QTMAN: variants seen among roughly 807,000 people sequenced by gnomAD.
QTMAN encodes queuosine-tRNA mannosyltransferase, also known as tRNA-queuosine alpha-mannosyltransferase.
chr2:144,109,771 C>T, the QTMAN span, among the ~76,000 whole-genome samples: 3 of 152,064 alleles, frequency 2.0e-5, no homozygotes, highest in Non-Finnish European at 4.4e-5. Flanking sequence ...ATTTATGCAG[C>T]CAAAAGACAC....
the QTMAN span, chr2:144,145,444 A>G: frequency 1.7e-6 from 1 of 573,138 alleles, no homozygotes; most frequent in Non-Finnish European, 3.1e-6. Flanking sequence ...AATTGTTTAA[A>G]TATTTGCACC....
chr2:144,016,197 T>C, the QTMAN span, among the ~76,000 whole-genome samples: 2,367 of 152,328 alleles, frequency 0.016, 36 homozygotes, highest in Middle Eastern at 0.048. Context: ...TGACATTTCA[T>C]ACATACTGAT....
the QTMAN span, among the ~76,000 whole-genome samples, chr2:144,169,342 G>T: frequency 6.6e-6 from 1 of 152,118 alleles, no homozygotes; most frequent in South Asian, 2.1e-4. Flanking sequence ...TACAAAAACT[G>T]ACAGCATAAT....
the QTMAN span, among the ~76,000 whole-genome samples, chr2:144,193,417 TTA>T: frequency 7.8e-4 from 116 of 148,464 alleles, 1 homozygote; most frequent in African/African-American, 1.4e-3. Context: ...ACATTATATA[TTA>T]TGTTATATAT....
the QTMAN span, among the ~76,000 whole-genome samples, chr2:144,321,864 G>A: frequency 6.6e-6 from 1 of 151,996 alleles, no homozygotes; most frequent in Non-Finnish European, 1.5e-5. Flanking sequence ...TGCCTCTTCT[G>A]TAAAGTGAGA....
At chr2:144,271,983 G>A in the QTMAN span, among the ~76,000 whole-genome samples, 4 of 152,060 alleles carry the variant, frequency 2.6e-5, no homozygotes, top group Non-Finnish European at 5.9e-5. Flanking sequence ...TTGCTGACAT[G>A]TGTATCACTT....
chr2:144,282,946 G>A, the QTMAN span, among the ~76,000 whole-genome samples: 16 of 152,236 alleles, frequency 1.1e-4, no homozygotes, highest in South Asian at 4.1e-4. Context: ...CTTCTGAGTT[G>A]GTGAATACAT....
chr2:144,070,213 C>A, the QTMAN span, among the ~76,000 whole-genome samples: 1 of 151,968 alleles, frequency 6.6e-6, no homozygotes, highest in Non-Finnish European at 1.5e-5. Flanking sequence ...TTAACTGTTC[C>A]ACTGTTACCA....
chr2:144,264,234 T>A, the QTMAN span, among the ~76,000 whole-genome samples: 1 of 152,006 alleles, frequency 6.6e-6, no homozygotes, highest in Non-Finnish European at 1.5e-5. Context: ...AGGATACAGA[T>A]AACAAAAACT....
chr2:144,163,594 C>G, the QTMAN span, among the ~76,000 whole-genome samples: 2 of 152,120 alleles, frequency 1.3e-5, no homozygotes, highest in Non-Finnish European at 2.9e-5. Context: ...TGCCTTTTCA[C>G]AGTAGTAGGA....
the QTMAN span, among the ~76,000 whole-genome samples, chr2:144,324,871 C>T: frequency 6.6e-6 from 1 of 151,362 alleles, no homozygotes; most frequent in Non-Finnish European, 1.5e-5. Flanking sequence ...AAAAAAAAGC[C>T]TAGAAGACAA....
At chr2:143,987,633 T>G in the QTMAN span, among the ~76,000 whole-genome samples, 1 of 152,204 alleles carries the variant, frequency 6.6e-6, no homozygotes, top group Non-Finnish European at 1.5e-5. Flanking sequence ...ATTAATTTGT[T>G]TAATGTGCTT....
chr2:144,230,056 A>G, the QTMAN span, among the ~76,000 whole-genome samples: 1 of 152,218 alleles, frequency 6.6e-6, no homozygotes, highest in Non-Finnish European at 1.5e-5. Flanking sequence ...CTTGTTTATA[A>G]TATCATCTCA....
chr2:144,024,969 T>C, the QTMAN span, among the ~76,000 whole-genome samples: 1 of 152,212 alleles, frequency 6.6e-6, no homozygotes, highest in Non-Finnish European at 1.5e-5. Context: ...TTCTATCACA[T>C]GATATCCCCA....
the QTMAN span, among the ~76,000 whole-genome samples, chr2:144,248,807 A>C: frequency 6.6e-6 from 1 of 152,116 alleles, no homozygotes; most frequent in Non-Finnish European, 1.5e-5. Flanking sequence ...GTCATATAAA[A>C]TATAAGATCT....
the QTMAN span, among the ~76,000 whole-genome samples, chr2:143,966,754 T>G: frequency 5.3e-4 from 80 of 152,374 alleles, no homozygotes; most frequent in South Asian, 0.011. Context: ...GGAAAAAGAT[T>G]ACAAAAACTT....
the QTMAN span, among the ~76,000 whole-genome samples, chr2:144,305,040 TTG>T: frequency 6.6e-6 from 1 of 152,226 alleles, no homozygotes. Context: ...TTCTTGCATG[TTG>T]TGTGTTGGTT....
At chr2:144,162,328 T>C in the QTMAN span, among the ~76,000 whole-genome samples, 6 of 151,988 alleles carry the variant, frequency 3.9e-5, no homozygotes, top group Non-Finnish European at 7.4e-5. Context: ...TCAAAAAACC[T>C]AGGTCAAAAG....
the QTMAN span, among the ~76,000 whole-genome samples, chr2:144,085,314 A>G: frequency 6.6e-6 from 1 of 152,244 alleles, no homozygotes; most frequent in Non-Finnish European, 1.5e-5. Context: ...CAGTTTTATT[A>G]TGTAAGCAGC....
Sources: allele counts gnomAD v4.1 joint callset (sites outside exome capture counted in the v4.1 genomes callset), GRCh38; gene constraint gnomAD v4.1.1; transcripts MANE v1.5; gene names NCBI Gene and HGNC (gene_info 2026-07-23, HGNC 2026-07-21).